NUTM2A: variants seen among roughly 807,000 people sequenced by gnomAD.
NUTM2A encodes family with sequence similarity 22, member A.
In NUTM2A, 3 loss-of-function variants were observed where a neutral mutation model predicts 24.4. The ratio of observed to expected loss-of-function variants is 0.12; its 90% CI spans 0.06 to 0.32. NUTM2A has a LOEUF of 0.32. Ranked by LOEUF, NUTM2A falls within the 10% of genes least tolerant of loss-of-function variation. The pLI is 1.00. For missense variants in NUTM2A, 39 were observed against 631.1 expected (o/e 0.06, Z 10.05); for synonymous variants, 11 against 278.4 (o/e 0.04, Z 9.56).
chr10:87,229,674 G>A (rs1473064935), intron 2 of NUTM2A, among the ~76,000 whole-genome samples: 1 of 152,034 alleles, frequency 6.6e-6, no homozygotes, highest in African/African-American at 2.4e-5. Flanking sequence ...TCAAGACTAG[G>A]CCATCTAGGA....
At chr10:87,229,296 G>A (rs1326594475) in intron 2 of NUTM2A, among the ~76,000 whole-genome samples, 13 of 152,292 alleles carry the variant, frequency 8.5e-5, no homozygotes, top group Middle Eastern at 3.4e-3. Flanking sequence ...TTGAGTACAC[G>A]CCCCAGTGCC....
In NUTM2A at chr10:87,233,113, A is replaced by G; in HGVS notation, c.1734+128A>G. The G allele has an allele frequency of 7.1e-6, 7 of 991,560 alleles. No homozygotes were observed. In the South Asian group the frequency reaches 1.3e-4, roughly 18 times the overall value. 61.4% of individuals were successfully genotyped at this position (991,560 alleles called of 1,614,324 possible). A position where few individuals can be genotyped will look rare whatever the true frequency, so the allele number is the denominator to read the frequency against. On this transcript the variant is annotated intron_variant, in intron 5 of 6. Transcript: ENST00000381707. ...TTTCCATGGATTTGAGTATCTGTGT[A>G]TGTGATTGTGTGTGTGTCTGTGTGT...
At chr10:87,233,226 CTG>C (rs1432200818) in intron 5 of NUTM2A, among the ~76,000 whole-genome samples, 4 of 77,906 alleles carry the variant, frequency 5.1e-5, no homozygotes, top group African/African-American at 2.2e-4. Flanking sequence ...TTACCTGTGT[CTG>C]TGTCTTTTCC....
Position 87,232,621 on chromosome 10 carries a change from C to CA in NUTM2A, c.1370_1371insA (p.Gly458ArgfsTer53). 1 of 612,158 alleles carries CA rather than the reference C, an allele frequency of 1.6e-6. No individual in the cohort carries two copies. Among genetic ancestry groups the CA allele is most frequent in the Non-Finnish European group, 2.9e-6 (1 of 342,024 alleles). The allele number at this position is 612,158 out of a possible 1,614,324, so 37.9% of individuals were successfully genotyped here. On this transcript the variant is annotated frameshift_variant, in exon 5 of 7. Transcript: ENST00000381707. LOFTEE classifies it high-confidence loss of function. ...GCCTCAGTGTACCTTCCCAGCAAGG[C>CA]CGGCCCCAAGGCCCCGACTGCCTGC...
Position 87,233,128 on chromosome 10 carries a change from T to A in NUTM2A, c.1734+143T>A, listed in dbSNP as rs376732291. The A allele has an allele frequency of 5.8e-5, 58 of 1,000,772 alleles. 1 individual carries two copies. The East Asian group carries it at 1.2e-3, about 21-fold the overall frequency. 62.0% of individuals were successfully genotyped at this position (1,000,772 alleles called of 1,614,324 possible). A position where few individuals can be genotyped will look rare whatever the true frequency, so the allele number is the denominator to read the frequency against. ...GTATCTGTGTATGTGATTGTGTGTG[T>A]GTCTGTGTGTTGCTGTGTGTTTGTG... is the stretch of plus-strand genomic sequence containing the variant. On this transcript the variant is annotated intron_variant, in intron 5 of 6. Coordinates refer to ENST00000381707, the MANE Select transcript of NUTM2A (RefSeq NM_001099338.2).
At chr10:87,229,568 T>C (rs532575640) in intron 2 of NUTM2A, among the ~76,000 whole-genome samples, 1,557 of 152,098 alleles carry the variant, frequency 0.01, 16 homozygotes, top group African/African-American at 0.036. Flanking sequence ...AGAGATAACT[T>C]GAGCTCACAT....
At chr10:87,229,093 A>G (rs1218319432) in intron 2 of NUTM2A, 131 bp downstream of exon 2, 39 of 1,535,160 alleles carry the variant, frequency 2.5e-5, no homozygotes, top group Non-Finnish European at 3.5e-5. Flanking sequence ...CACTATGGGA[A>G]GGTATATTTT....
At chr10:87,229,749 G>A (rs1462516153) in intron 2 of NUTM2A, among the ~76,000 whole-genome samples, 2 of 150,874 alleles carry the variant, frequency 1.3e-5, no homozygotes, top group Admixed American at 6.6e-5. Context: ...CAGCAGCCCA[G>A]GGCCATGGAC....
intron 2 of NUTM2A, among the ~76,000 whole-genome samples, chr10:87,229,555 T>C (rs1159056224): frequency 5.4e-4 from 82 of 152,340 alleles, no homozygotes; most frequent in African/African-American, 1.8e-3. Context: ...CAGAGGATGG[T>C]GAAGAGATAA....
rs1325519038 is a variant in NUTM2A, at chr10:87,233,141, CTGTG to C, written c.1734+160_1734+163del. On this transcript the variant is annotated intron_variant, in intron 5 of 6. Transcript: ENST00000381707. ...TGATTGTGTGTGTGTCTGTGTGTTG[CTGTG>C]TGTTTGTGTCTGTGGTTTGTTACTG... Among the ~76,000 whole-genome samples, 6 of 112,660 alleles carry C rather than the reference CTGTG, an allele frequency of 5.3e-5. 1 individual carries two copies. The highest frequency in any genetic ancestry group is 1.5e-4 in the African/African-American group (4 of 26,946). 73.9% of individuals were successfully genotyped at this position (112,660 alleles called of 152,430 possible).
chr10:87,229,293 C>T (rs1400863234), intron 2 of NUTM2A, among the ~76,000 whole-genome samples: 1 of 152,228 alleles, frequency 6.6e-6, no homozygotes, highest in Admixed American at 6.5e-5. Flanking sequence ...TCTTTGAGTA[C>T]ACGCCCCAGT....
chr10:87,229,534 G>C (rs1661624177), intron 2 of NUTM2A, among the ~76,000 whole-genome samples: 1 of 152,248 alleles, frequency 6.6e-6, no homozygotes, highest in South Asian at 2.1e-4. Context: ...AAGGGACAAT[G>C]ATGCTTCATT....
chr10:87,232,981 C>A lies in NUTM2A; in HGVS notation c.1730C>A (p.Thr577Asn). ...CTGTGTTCCCAGAAAGACTTCGTCA[C>A]CAAGGTGGGCTGGCCTGGAGTGCTG... ...DKLCSQKDFVTKVEAVIHPQF... is the reference protein window; with the variant it reads ...DKLCSQKDFVNKVEAVIHPQF... The change falls in exon 5 of 7, where the codon ACC becomes AAC. Residue 577 changes from threonine (T) to asparagine (N), a missense_variant. By Grantham distance (65) the Thr-to-Asn change is moderately conservative (BLOSUM62 0). Transcript: ENST00000381707. 1.4e-6 allele frequency: 2 copies of A among 1,455,518 alleles called. No individual in the cohort carries two copies. Among genetic ancestry groups the A allele is most frequent in the Non-Finnish European group, 1.9e-6 (2 of 1,047,028 alleles). The allele number at this position is 1,455,518 out of a possible 1,614,324, so 90.2% of individuals were successfully genotyped here.
intron 2 of NUTM2A, among the ~76,000 whole-genome samples, chr10:87,229,204 A>T (rs1277563939): frequency 5.9e-5 from 9 of 152,166 alleles, no homozygotes; most frequent in Non-Finnish European, 5.9e-5. Context: ...TACTTTCAAT[A>T]ATTTTCACAA....
At position 87,234,978 on chromosome 10, in the gene NUTM2A, A is replaced by T. The variant is rs535292831; in HGVS notation, c.*270A>T. ...TGAATAAATGTAGTTGTCTTGGAAA[A>T]TGCTCTTGGGGCTGCTGCCTCTGTC... On this transcript the variant is annotated 3_prime_UTR_variant, in exon 7 of 7. Coordinates refer to ENST00000381707, the MANE Select transcript of NUTM2A (RefSeq NM_001099338.2). 26 of 1,507,884 alleles carry T rather than the reference A, an allele frequency of 1.7e-5. No individual in the cohort carries two copies. The highest frequency in any genetic ancestry group is 2.2e-5 in the Admixed American group (1 of 46,168). 93.4% of individuals were successfully genotyped at this position (1,507,884 alleles called of 1,614,324 possible). A position where few individuals can be genotyped will look rare whatever the true frequency, so the allele number is the denominator to read the frequency against.
intron 2 of NUTM2A, among the ~76,000 whole-genome samples, chr10:87,229,169 C>A (rs1325200961): frequency 1.3e-5 from 2 of 152,188 alleles, no homozygotes; most frequent in Non-Finnish European, 2.9e-5. Context: ...CTGCCCGTCA[C>A]TGTCCCGTGA....
In NUTM2A at chr10:87,228,783, GC is replaced by G; in HGVS notation, c.905del (p.Pro302HisfsTer73). On this transcript the variant is annotated frameshift_variant, in exon 2 of 7. Transcript: ENST00000381707. LOFTEE classifies it high-confidence loss of function. ...TGTCCCAAGGGAATGCTGGGCCATGGCCACAAGGGGCTCACGGAGAGGGCAG... is the reference window on the plus strand; with the variant it reads ...TGTCCCAAGGGAATGCTGGGCCATGGCACAAGGGGCTCACGGAGAGGGCAG... ...IVSQGNAGPW[P>X]QGAHGEGSLA... The G allele has an allele frequency of 7.8e-7, 1 of 1,282,418 alleles. No homozygotes were observed. Among genetic ancestry groups the G allele is most frequent in the Non-Finnish European group, 1.1e-6 (1 of 913,156 alleles). 79.4% of individuals were successfully genotyped at this position (1,282,418 alleles called of 1,614,324 possible). A position where few individuals can be genotyped will look rare whatever the true frequency, so the allele number is the denominator to read the frequency against.
At position 87,234,972 on chromosome 10, in the gene NUTM2A, T is replaced by C. The variant is rs1849414610; in HGVS notation, c.*264T>C. 1 of 1,499,554 alleles carries C rather than the reference T, an allele frequency of 6.7e-7. No homozygotes were observed. Among genetic ancestry groups the C allele is most frequent in the Admixed American group, 2.2e-5 (1 of 46,072 alleles). 92.9% of individuals were successfully genotyped at this position (1,499,554 alleles called of 1,614,324 possible). ...TAAGTGTGAATAAATGTAGTTGTCT[T>C]GGAAAATGCTCTTGGGGCTGCTGCC... On this transcript the variant is annotated 3_prime_UTR_variant, in exon 7 of 7. Transcript: ENST00000381707.
rs1351751199 is a variant in NUTM2A, at chr10:87,229,156, C to T, written c.1082+194C>T. 3.9e-5 allele frequency among the ~76,000 whole-genome samples: 6 copies of T among 152,184 alleles called. No homozygotes were observed. In the East Asian group the frequency reaches 9.6e-4, roughly 24 times the overall value. ...GGACAGACTGTCAGGGGCCTCATCT[C>T]AACTGCCCGTCACTGTCCCGTGAGT... is the stretch of plus-strand genomic sequence containing the variant. On this transcript the variant is annotated intron_variant, in intron 2 of 6. Transcript: ENST00000381707.
Sources: allele counts gnomAD v4.1 joint callset (sites outside exome capture counted in the v4.1 genomes callset), GRCh38; gene constraint gnomAD v4.1.1; transcripts MANE v1.5; gene names NCBI Gene and HGNC (gene_info 2026-07-23, HGNC 2026-07-21).